SEMA3E: variants seen among roughly 807,000 people sequenced by gnomAD.
SEMA3E encodes the protein semaphorin 3E.
Under a neutral mutation model 93.6 loss-of-function variants are expected in SEMA3E, and 49 were observed. That is an observed-to-expected ratio of 0.52 (90% confidence interval 0.42 to 0.66). The LOEUF is 0.66. SEMA3E is among the 30% of genes least tolerant of loss of function. The pLI, the probability that SEMA3E is intolerant of heterozygous loss-of-function variation, is 0.00. For synonymous variants in SEMA3E, 363 were observed against 330.7 expected (o/e 1.10, Z -1.06); for missense variants, 906 against 964.8 (o/e 0.94, Z 0.81).
intron 1 of SEMA3E, among the ~76,000 whole-genome samples, chr7:83,639,098 G>A (rs1244082254): frequency 8.2e-5 from 6 of 73,004 alleles, no homozygotes; most frequent in Non-Finnish European, 1.1e-4. Flanking sequence ...GCGACAGAGC[G>A]AGACTCCGTC....
intron 1 of SEMA3E, among the ~76,000 whole-genome samples, chr7:83,635,065 T>G (rs1793855746): frequency 6.6e-6 from 1 of 152,102 alleles, no homozygotes; most frequent in Non-Finnish European, 1.5e-5. Flanking sequence ...GTACTCATTC[T>G]AACCAATTAT....
intron 13 of SEMA3E, among the ~76,000 whole-genome samples, 173 bp downstream of exon 13, chr7:83,394,124 G>C (rs1788070759): frequency 6.6e-6 from 1 of 151,502 alleles, no homozygotes; most frequent in Admixed American, 6.6e-5. Flanking sequence ...TTGTTAACAG[G>C]GTAGATCACA....
At chr7:83,486,200 T>A (rs1332278998) in intron 2 of SEMA3E, among the ~76,000 whole-genome samples, 10 of 152,128 alleles carry the variant, frequency 6.6e-5, no homozygotes, top group Non-Finnish European at 1.5e-4. Flanking sequence ...AGGGTCTGAA[T>A]CTTGTTTATA....
intron 1 of SEMA3E, among the ~76,000 whole-genome samples, chr7:83,519,283 CCT>C (rs1790998201): frequency 1.3e-5 from 2 of 152,000 alleles, no homozygotes; most frequent in Admixed American, 1.3e-4. Context: ...CATCCATGTC[CCT>C]ACAAAGGACA....
intron 1 of SEMA3E, among the ~76,000 whole-genome samples, chr7:83,517,346 G>C (rs558327157): frequency 6.6e-6 from 1 of 152,132 alleles, no homozygotes; most frequent in African/African-American, 2.4e-5. Context: ...GGAGAGATTT[G>C]TACTAAAATC....
At chr7:83,430,590 A>G (rs929236704) in intron 4 of SEMA3E, among the ~76,000 whole-genome samples, 2 of 152,150 alleles carry the variant, frequency 1.3e-5, no homozygotes, top group Non-Finnish European at 2.9e-5. Flanking sequence ...AGAAAACCAA[A>G]CACCACATGT....
At chr7:83,623,618 A>T (rs1274062224) in intron 1 of SEMA3E, among the ~76,000 whole-genome samples, 1 of 152,152 alleles carries the variant, frequency 6.6e-6, no homozygotes, top group Admixed American at 6.6e-5. Flanking sequence ...CCTGAAAAAA[A>T]AAAATGCTAC....
At chr7:83,423,291 G>A (rs1788704855) in intron 4 of SEMA3E, among the ~76,000 whole-genome samples, 1 of 151,986 alleles carries the variant, frequency 6.6e-6, no homozygotes, top group South Asian at 2.1e-4. Context: ...TATTGAATGT[G>A]CATGCATTCT....
intron 2 of SEMA3E, among the ~76,000 whole-genome samples, chr7:83,489,716 T>C (rs1790340313): frequency 6.7e-6 from 1 of 149,892 alleles, no homozygotes; most frequent in Non-Finnish European, 1.5e-5. Context: ...AACAGAACTA[T>C]ATGAGGTAGT....
chr7:83,487,872 T>C (rs1790299736), intron 2 of SEMA3E, among the ~76,000 whole-genome samples: 1 of 152,022 alleles, frequency 6.6e-6, no homozygotes, highest in Non-Finnish European at 1.5e-5. Flanking sequence ...CCTGTAATCA[T>C]GAAAATGATA....
At chr7:83,572,048 A>G (rs1379030341) in intron 1 of SEMA3E, among the ~76,000 whole-genome samples, 1 of 152,194 alleles carries the variant, frequency 6.6e-6, no homozygotes, top group Non-Finnish European at 1.5e-5. Context: ...TGAGAATTAT[A>G]AAACACCTCT....
intron 4 of SEMA3E, among the ~76,000 whole-genome samples, chr7:83,440,186 T>A (rs1000468801): frequency 1.3e-5 from 2 of 152,232 alleles, no homozygotes; most frequent in Non-Finnish European, 2.9e-5. Flanking sequence ...CTGTGTTTTC[T>A]GGGCTCAACA....
Position 83,397,305 on chromosome 7 carries a change from CT to C in SEMA3E, c.1367-577del, listed in dbSNP as rs568736720. 3.9e-3 allele frequency among the ~76,000 whole-genome samples: 596 copies of C among 152,120 alleles called. 5 individuals carry two copies. The highest frequency in any genetic ancestry group is 0.013 in the African/African-American group (541 of 41,528). On this transcript the variant is annotated intron_variant, in intron 11 of 16. Coordinates refer to ENST00000643230, the MANE Select transcript of SEMA3E (RefSeq NM_012431.3). Reference sequence around the variant, plus strand: ...ATCATAGATTCAAAAATCAAAATGTCTTTTGGAATTAATAAAACATAAGAGA... The same window carrying C: ...ATCATAGATTCAAAAATCAAAATGTCTTTGGAATTAATAAAACATAAGAGA...
Position 83,633,692 on chromosome 7 carries a change from C to T in SEMA3E, c.115+14736G>A, listed in dbSNP as rs549090731. ...TGTTCTTCTCTACTCTGCCTGCCAT[C>T]CTCAGCAAAAGCAGTATGGGAGAGA... On this transcript the variant is annotated intron_variant, in intron 1 of 16. Transcript: ENST00000643230. Among the ~76,000 whole-genome samples, 6 of 152,212 alleles carry T rather than the reference C, an allele frequency of 3.9e-5. No individual in the cohort carries two copies. In the South Asian group the frequency reaches 1.2e-3, roughly 32 times the overall value.
intron 1 of SEMA3E, among the ~76,000 whole-genome samples, chr7:83,557,527 A>T (rs563332054): frequency 3.3e-5 from 5 of 152,148 alleles, no homozygotes; most frequent in African/African-American, 1.2e-4. Context: ...CAGTTGCCAA[A>T]GATCTTTTCA....
At chr7:83,394,097 A>G (rs1788070445) in intron 13 of SEMA3E, among the ~76,000 whole-genome samples, 200 bp downstream of exon 13, 1 of 152,194 alleles carries the variant, frequency 6.6e-6, no homozygotes, top group Admixed American at 6.5e-5. Flanking sequence ...TTAAAAATGT[A>G]TTGTATGCTT....
chr7:83,591,666 G>A (rs1171710335), intron 1 of SEMA3E, among the ~76,000 whole-genome samples: 1 of 151,920 alleles, frequency 6.6e-6, no homozygotes. Flanking sequence ...AATATTCACA[G>A]ATGGGCAATC....
intron 16 of SEMA3E, among the ~76,000 whole-genome samples, 194 bp downstream of exon 16, chr7:83,385,100 T>TA (rs1787851710): frequency 6.7e-6 from 1 of 150,320 alleles, no homozygotes; most frequent in African/African-American, 2.4e-5. Flanking sequence ...TATATGTATA[T>TA]AAAATCTATA....
intron 2 of SEMA3E, among the ~76,000 whole-genome samples, 186 bp from the exon 3 acceptor site, chr7:83,469,488 G>C (rs1160032417): frequency 6.6e-6 from 1 of 150,904 alleles, no homozygotes; most frequent in African/African-American, 2.4e-5. Flanking sequence ...CGTATCGCTG[G>C]GCTTTTACTT....
Sources: allele counts gnomAD v4.1 joint callset (sites outside exome capture counted in the v4.1 genomes callset), GRCh38; gene constraint gnomAD v4.1.1; transcripts MANE v1.5; gene names NCBI Gene and HGNC (gene_info 2026-07-23, HGNC 2026-07-21).